The following MARCHF6 variants were observed in gnomAD, a reference collection of about 807,000 sequenced individuals.
MARCHF6 encodes E3 ubiquitin-protein ligase MARCHF6.
MARCHF6 carries 31 observed loss-of-function variants against 133.7 expected under a neutral mutation model. That is an observed-to-expected ratio of 0.23 (90% CI 0.17 to 0.31). MARCHF6 has a LOEUF of 0.31. Among genes scored for constraint, MARCHF6 ranks in the 10% least tolerant of loss-of-function variants. MARCHF6 has a pLI of 1.00. For missense variants in MARCHF6, 723 were observed against 1,121.6 expected, an observed-to-expected ratio of 0.64 and a Z score of 5.08; for synonymous variants, 395 against 402.5, an observed-to-expected ratio of 0.98 and a Z score of 0.22.
At chr5:10,405,079 G>A (rs1420606518) in intron 15 of MARCHF6, among the ~76,000 whole-genome samples, 2 of 152,092 alleles carry the variant, frequency 1.3e-5, no homozygotes, top group Admixed American at 6.6e-5. Flanking sequence ...GATTAGATGC[G>A]TTACACAGAG....
intron 15 of MARCHF6, 99 bp downstream of exon 15, chr5:10,403,640 A>C: frequency 9.3e-7 from 1 of 1,078,282 alleles, no homozygotes; most frequent in Non-Finnish European, 1.3e-6. Context: ...TTCCTACCTA[A>C]ATCATATTCT....
chr5:10,423,918 C>A, intron 23 of MARCHF6, 94 bp downstream of exon 23: 1 of 817,746 alleles, frequency 1.2e-6, no homozygotes, highest in Non-Finnish European at 1.8e-6. Flanking sequence ...TCCTACCTTG[C>A]TGAGTTTTCT....
chr5:10,381,981 T>C (rs749785603), intron 4 of MARCHF6, 38 bp downstream of exon 4: 2 of 1,571,476 alleles, frequency 1.3e-6, no homozygotes, highest in South Asian at 1.1e-5. Context: ...TATTTAAACA[T>C]TGCATAACTA....
intron 1 of MARCHF6, among the ~76,000 whole-genome samples, chr5:10,356,861 T>C (rs1030358881): frequency 6.6e-6 from 1 of 152,208 alleles, no homozygotes; most frequent in Non-Finnish European, 1.5e-5. Flanking sequence ...CAGAATGTTA[T>C]GCATTTGTAG....
intron 1 of MARCHF6, among the ~76,000 whole-genome samples, chr5:10,377,381 C>T (rs1579544215): frequency 6.6e-6 from 1 of 151,918 alleles, no homozygotes; most frequent in Non-Finnish European, 1.5e-5. Context: ...GGTGAGTCCT[C>T]ACATGTGTTT....
intron 4 of MARCHF6, among the ~76,000 whole-genome samples, chr5:10,383,668 C>T (rs1295406491): frequency 1.3e-5 from 2 of 152,132 alleles, no homozygotes; most frequent in Non-Finnish European, 2.9e-5. Flanking sequence ...AAGTTTACTA[C>T]CTTAAACCTT....
chr5:10,357,679 C>T (rs1366020571), intron 1 of MARCHF6, among the ~76,000 whole-genome samples: 2 of 152,136 alleles, frequency 1.3e-5, no homozygotes, highest in African/African-American at 4.8e-5. Flanking sequence ...TTTCTTACCA[C>T]GCATTACCTT....
intron 22 of MARCHF6, among the ~76,000 whole-genome samples, chr5:10,421,640 G>A (rs887703401): frequency 1.3e-5 from 2 of 152,188 alleles, no homozygotes; most frequent in African/African-American, 4.8e-5. Context: ...TTTGGAGAAC[G>A]CGAATCACAG....
intron 22 of MARCHF6, among the ~76,000 whole-genome samples, chr5:10,421,398 A>G (rs1265705424): frequency 6.6e-6 from 1 of 152,256 alleles, no homozygotes; most frequent in Non-Finnish European, 1.5e-5. Context: ...GTTGGGGGAA[A>G]GCACAAGCTG....
intron 22 of MARCHF6, 22 bp from the exon 23 acceptor site, chr5:10,423,704 GAAATATGTT>G (rs1317154245): frequency 1.4e-6 from 2 of 1,467,858 alleles, no homozygotes; most frequent in African/African-American, 2.8e-5. Flanking sequence ...AAAAACAACA[GAAATATGTT>G]AAATGGTTTT....
chr5:10,405,234 A>AT (rs1738808753), intron 15 of MARCHF6, among the ~76,000 whole-genome samples: 1 of 152,188 alleles, frequency 6.6e-6, no homozygotes, highest in Non-Finnish European at 1.5e-5. Context: ...AAATTGCAAC[A>AT]TAACCCTTTT....
chr5:10,413,965 A>T (rs1739369270), intron 19 of MARCHF6, among the ~76,000 whole-genome samples: 1 of 152,238 alleles, frequency 6.6e-6, no homozygotes, highest in Admixed American at 6.5e-5. Context: ...AAATAAAGTT[A>T]AAAATTTCAT....
chr5:10,385,921 TACAC>T (rs1442991554), intron 4 of MARCHF6, among the ~76,000 whole-genome samples: 3 of 152,200 alleles, frequency 2.0e-5, no homozygotes, highest in Non-Finnish European at 4.4e-5. Flanking sequence ...TATATACAGA[TACAC>T]ACAATTTAAA....
At chr5:10,356,503 C>G (rs1314770415) in intron 1 of MARCHF6, among the ~76,000 whole-genome samples, 1 of 151,794 alleles carries the variant, frequency 6.6e-6, no homozygotes, top group Admixed American at 6.6e-5. Flanking sequence ...TCAAGCGATT[C>G]TCCTGTCTCA....
intron 5 of MARCHF6, 150 bp from the exon 6 acceptor site, chr5:10,390,182 A>C (rs1247834017): frequency 1.6e-6 from 1 of 642,770 alleles, no homozygotes; most frequent in Non-Finnish European, 2.7e-6. Context: ...TCTTTTGGAG[A>C]AACTTGAGAT....
At chr5:10,371,826 A>G (rs1169117260) in intron 1 of MARCHF6, among the ~76,000 whole-genome samples, 1 of 152,148 alleles carries the variant, frequency 6.6e-6, no homozygotes, top group African/African-American at 2.4e-5. Context: ...CTAGTACATT[A>G]TACCAAATAG....
rs1738676770 is a variant in MARCHF6 at position 10,403,488 on chromosome 5, G to A, written c.1279G>A (p.Val427Met). The change falls in exon 15 of 26, where the codon GTG (valine) becomes ATG (methionine). Residue 427 changes from valine to methionine, a missense_variant. Physicochemically the swap from Val to Met is conservative, Grantham distance 21. Transcript: ENST00000274140. ...TACTACCATGTTTCTGCATTGGCTA[G>A]TGGGAATGGTATATGTCTTCTACTT... The part of the protein sequence containing the change: ...PGTTMFLHWL[V>M]GMVYVFYFAS... The A allele has an allele frequency of 3.1e-6, 5 of 1,613,804 alleles. No homozygotes were observed. The highest frequency in any genetic ancestry group is 1.1e-5 in the South Asian group (1 of 91,076).
At position 10,410,007 on chromosome 5, in the gene MARCHF6, T is replaced by C; in HGVS notation, c.1554-132T>C. On this transcript the variant is annotated intron_variant, in intron 17 of 25. Transcript: ENST00000274140. ...AGTTTGTGGGGAAAGCCTCACTGAGTTGGAGAGAGAATGAAAGGAGAGGTA... is the reference window on the plus strand; with the variant it reads ...AGTTTGTGGGGAAAGCCTCACTGAGCTGGAGAGAGAATGAAAGGAGAGGTA... The C allele has an allele frequency of 4.2e-6, 4 of 954,006 alleles. 1 individual carries two copies. Among genetic ancestry groups the C allele is most frequent in the South Asian group, 3.2e-5 (2 of 62,266 alleles). 59.1% of individuals were successfully genotyped at this position (954,006 alleles called of 1,614,324 possible).
chr5:10,411,397 A>C lies in MARCHF6; in HGVS notation c.1756A>C (p.Asn586His), dbSNP rs1482167269. ...TGAAAACAGTGCAAATCAACAAGTT[A>C]ACAATAATCAGCATGCTCGAAATAA... is the stretch of plus-strand genomic sequence containing the variant. Reference protein sequence around the residue: ...ENENSANQQVNNNQHARNNNA... With the variant: ...ENENSANQQVHNNQHARNNNA... The change falls in exon 19 of 26, where the codon AAC becomes CAC. Residue 586 changes from asparagine (N) to histidine (H), a missense_variant. Asn to His is a moderately conservative substitution (Grantham distance 68). Around this residue, in one of 4 missense-constraint regions of MARCHF6, gnomAD observed 492 missense variants for 699.5 expected, o/e 0.70. Transcript: ENST00000274140. 1.2e-6 allele frequency: 2 copies of C among 1,614,248 alleles called. No homozygotes were observed. Among genetic ancestry groups the C allele is most frequent in the South Asian group, 2.2e-5 (2 of 91,092 alleles).
Sources: gnomAD v4.1 joint callset for allele counts (sites outside exome capture counted in the v4.1 genomes callset) on GRCh38, gnomAD v4.1.1 for gene constraint, gnomAD v4.1.1 regional missense constraint, MANE v1.5 for transcripts, NCBI Gene and HGNC (gene_info 2026-07-23, HGNC 2026-07-21) for gene names.